PDE1C: variants seen among roughly 807,000 people sequenced by gnomAD.
PDE1C encodes dual specificity calcium/calmodulin-dependent 3',5'-cyclic nucleotide phosphodiesterase 1C.
In PDE1C, 62 loss-of-function variants were observed where a neutral mutation model predicts 93.1. The observed-to-expected ratio is 0.67, with a 90% confidence interval of 0.54 to 0.82. The LOEUF (loss-of-function observed/expected upper bound fraction) is 0.82. PDE1C is among the 40% of genes least tolerant of loss of function. PDE1C has a pLI of 0.00. For synonymous variants in PDE1C, 325 were observed against 310.1 expected (o/e 1.05, Z -0.50); for missense variants, 742 against 884.6 (o/e 0.84, Z 2.04).
the PDE1C span, among the ~76,000 whole-genome samples, chr7:31,745,264 T>C: frequency 6.6e-6 from 1 of 152,198 alleles, no homozygotes; most frequent in Non-Finnish European, 1.5e-5. Context: ...AAGTGGGAGA[T>C]GAAGAGTGGT....
intron 1 of PDE1C, among the ~76,000 whole-genome samples, chr7:32,399,198 G>A (rs73093960): frequency 0.24 from 36,749 of 152,090 alleles, 5,200 homozygotes; most frequent in Admixed American, 0.36. Flanking sequence ...CCTACACACG[G>A]TTGTGTGTCC....
At chr7:31,839,456 T>A (rs1791571282) in intron 9 of PDE1C, among the ~76,000 whole-genome samples, 1 of 147,872 alleles carries the variant, frequency 6.8e-6, no homozygotes, top group African/African-American at 2.6e-5. Context: ...AAATGTACTC[T>A]TTCTTTACTC....
chr7:32,206,065 T>G (rs1464663393), intron 2 of PDE1C, among the ~76,000 whole-genome samples: 2 of 152,148 alleles, frequency 1.3e-5, no homozygotes, highest in African/African-American at 4.8e-5. Flanking sequence ...AAATGTGTTT[T>G]TAGAGGGGTA....
At chr7:32,379,613 C>T (rs996766044) in intron 1 of PDE1C, among the ~76,000 whole-genome samples, 1 of 152,078 alleles carries the variant, frequency 6.6e-6, no homozygotes, top group African/African-American at 2.4e-5. Context: ...TCTCTCTGGC[C>T]CCTTTTAATA....
At chr7:32,281,224 T>C (rs1425479538) in intron 1 of PDE1C, among the ~76,000 whole-genome samples, 4 of 152,174 alleles carry the variant, frequency 2.6e-5, no homozygotes, top group Non-Finnish European at 1.5e-5. Flanking sequence ...ATTTTCAAAA[T>C]CTGTTCAATG....
At chr7:31,712,486 G>A in the PDE1C span, among the ~76,000 whole-genome samples, 1 of 152,170 alleles carries the variant, frequency 6.6e-6, no homozygotes, top group African/African-American at 2.4e-5. Flanking sequence ...TGTGGCACCA[G>A]GGAGTCCTCC....
intron 3 of PDE1C, among the ~76,000 whole-genome samples, chr7:32,085,884 C>A (rs1797039080): frequency 6.8e-6 from 1 of 146,798 alleles, no homozygotes; most frequent in Admixed American, 6.7e-5. Flanking sequence ...ATGACAAACC[C>A]ACAGCCAATA....
At chr7:32,226,864 C>G (rs1463075379) in intron 1 of PDE1C, among the ~76,000 whole-genome samples, 1 of 152,186 alleles carries the variant, frequency 6.6e-6, no homozygotes, top group African/African-American at 2.4e-5. Context: ...CCCCTTCAGA[C>G]AGCAGCTCCC....
At chr7:31,916,983 A>G (rs1802006661) in intron 2 of PDE1C, among the ~76,000 whole-genome samples, 1 of 152,044 alleles carries the variant, frequency 6.6e-6, no homozygotes, top group Non-Finnish European at 1.5e-5. Context: ...AAAAATATAC[A>G]CTGTATTCCA....
chr7:31,965,978 C>T (rs777478980), intron 2 of PDE1C, among the ~76,000 whole-genome samples: 4 of 152,140 alleles, frequency 2.6e-5, no homozygotes, highest in Non-Finnish European at 2.9e-5. Context: ...TGGAAAGGAA[C>T]GACCAGTACC....
chr7:32,266,610 T>C (rs1276616752), intron 1 of PDE1C, among the ~76,000 whole-genome samples: 1 of 152,144 alleles, frequency 6.6e-6, no homozygotes, highest in East Asian at 1.9e-4. Context: ...AGATAAGCTA[T>C]GAATGAATTA....
chr7:32,154,743 G>A (rs547071064), intron 3 of PDE1C, among the ~76,000 whole-genome samples: 1 of 152,282 alleles, frequency 6.6e-6, no homozygotes, highest in African/African-American at 2.4e-5. Context: ...CCATACAGTG[G>A]GCACCACTGT....
intron 11 of PDE1C, among the ~76,000 whole-genome samples, chr7:31,835,461 G>C (rs1249435912): frequency 6.6e-6 from 1 of 152,052 alleles, no homozygotes; most frequent in Admixed American, 6.6e-5. Flanking sequence ...TCTGCAAAGA[G>C]AATTAACCAT....
the PDE1C span, chr7:31,652,548 G>T: frequency 6.2e-7 from 1 of 1,607,228 alleles, no homozygotes; most frequent in South Asian, 1.1e-5. Context: ...AGAGCCACCT[G>T]AACACTATTC....
chr7:32,166,632 G>A (rs1247710343), intron 3 of PDE1C, among the ~76,000 whole-genome samples: 1 of 152,176 alleles, frequency 6.6e-6, no homozygotes. Flanking sequence ...GAAAGGTGGT[G>A]CCTTCATTTT....
At chr7:32,182,587 C>G (rs955735311) in intron 2 of PDE1C, among the ~76,000 whole-genome samples, 7 of 152,144 alleles carry the variant, frequency 4.6e-5, no homozygotes, top group African/African-American at 1.7e-4. Flanking sequence ...AGACCTTTGA[C>G]GAAATTCAAC....
In PDE1C at chr7:32,420,124, T is replaced by TATATATATACACAC. The variant is rs1207972839; in HGVS notation, c.310+7697_310+7698insGTGTGTATATATAT. Among the ~76,000 whole-genome samples the TATATATATACACAC allele has an allele frequency of 1.4e-3, 18 of 13,088 alleles. 3 individuals carry two copies. The highest frequency in any genetic ancestry group is 3.7e-3 in the Admixed American group (2 of 536). The allele number at this position is 13,088 out of a possible 152,430, so 8.6% of individuals were successfully genotyped here. ...ATATATATATATATATATATATATA[T>TATATATATACACAC]ACACACACACACACACACACACACA... is the stretch of plus-strand genomic sequence containing the variant. On this transcript the variant is annotated intron_variant, in intron 1 of 1. Transcript: ENST00000672256.
Position 31,823,257 on chromosome 7 carries a change from C to A in PDE1C, c.1407-9G>T, listed in dbSNP as rs1562867280. 7 of 1,594,154 alleles carry A rather than the reference C, an allele frequency of 4.4e-6. No individual in the cohort carries two copies. The Admixed American group carries it at 5.4e-5, about 12-fold the overall frequency. On this transcript the variant is annotated splice_polypyrimidine_tract_variant and intron_variant, in intron 13 of 17. Transcript: ENST00000396191. ...AGCTGATGCTATTCAAACTGGAAAA[C>A]AAAAAAATCATACCAAAGAAGAGAG... is the stretch of plus-strand genomic sequence containing the variant.
chr7:32,385,979 G>C (rs567263084), intron 1 of PDE1C, among the ~76,000 whole-genome samples: 1 of 152,024 alleles, frequency 6.6e-6, no homozygotes, highest in Admixed American at 6.6e-5. Flanking sequence ...CAGAGACTAC[G>C]ATGGCCAAGC....
Sources: allele counts gnomAD v4.1 joint callset (sites outside exome capture counted in the v4.1 genomes callset), GRCh38; gene constraint gnomAD v4.1.1; transcripts MANE v1.5; gene names NCBI Gene and HGNC (gene_info 2026-07-23, HGNC 2026-07-21).